NRXN1: variants seen among roughly 807,000 people sequenced by gnomAD.
NRXN1 encodes neurexin-1.
A neutral mutation model predicts 150.9 loss-of-function variants in NRXN1; 39 were observed. That is an observed-to-expected ratio of 0.26 (90% confidence interval 0.20 to 0.34). The LOEUF (loss-of-function observed/expected upper bound fraction) is 0.34. Ranked by LOEUF, NRXN1 falls within the 10% of genes least tolerant of loss-of-function variation. NRXN1 has a pLI of 1.00. For missense variants in NRXN1, 1,815 were observed against 1,949.9 expected (o/e 0.93, Z 1.30); for synonymous variants, 924 against 757.0 (o/e 1.22, Z -3.62).
chr2:50,464,499 AAT>A (rs1222272885), intron 17 of NRXN1: 1 of 151,972 alleles, frequency 6.6e-6, no homozygotes, highest in Non-Finnish European at 1.5e-5. Context: ...CAAAGGTCAA[AAT>A]GAACAAGCTC....
At position 50,892,065 on chromosome 2, in the gene NRXN1, A is replaced by G. The variant is rs566412467; in HGVS notation, c.832+29804T>C. 2.0e-5 allele frequency among the ~76,000 whole-genome samples: 3 copies of G among 152,226 alleles called. No homozygotes were observed. In the South Asian group the frequency reaches 6.2e-4, roughly 32 times the overall value. Reference sequence around the variant, plus strand: ...ATATGAACAACTATTATTTTAGGGAAAGAAAGGAAAGAGGATAGTTCTGAA... The same window carrying G: ...ATATGAACAACTATTATTTTAGGGAGAGAAAGGAAAGAGGATAGTTCTGAA... On this transcript the variant is annotated intron_variant, in intron 5 of 22. Coordinates refer to ENST00000401669, the MANE Select transcript of NRXN1 (RefSeq NM_001330078.2).
chr2:50,764,039 A>C (rs987059960), intron 5 of NRXN1, among the ~76,000 whole-genome samples: 2 of 150,876 alleles, frequency 1.3e-5, no homozygotes, highest in African/African-American at 4.9e-5. Context: ...TTTTTTGCTA[A>C]AGGAGGAACA....
chr2:50,670,223 G>A (rs1039516982), intron 5 of NRXN1, among the ~76,000 whole-genome samples: 1 of 151,458 alleles, frequency 6.6e-6, no homozygotes, highest in Non-Finnish European at 1.5e-5. Flanking sequence ...CATCATACAT[G>A]TTCCAAAAGT....
chr2:50,123,335 T>C (rs1262700531), intron 18 of NRXN1, among the ~76,000 whole-genome samples: 1 of 152,130 alleles, frequency 6.6e-6, no homozygotes, highest in Non-Finnish European at 1.5e-5. Flanking sequence ...ACCATGTTAA[T>C]GTCTGGGAAA....
intron 15 of NRXN1, among the ~76,000 whole-genome samples, chr2:50,491,861 G>A (rs1343158278): frequency 1.3e-5 from 2 of 152,102 alleles, no homozygotes; most frequent in Non-Finnish European, 2.9e-5. Context: ...CTCATTGAAG[G>A]TGGGGGCCAA....
At chr2:50,307,652 T>C (rs920186643) in intron 17 of NRXN1, among the ~76,000 whole-genome samples, 1 of 152,222 alleles carries the variant, frequency 6.6e-6, no homozygotes. Flanking sequence ...TCGAATACAC[T>C]GAAGCCTTGT....
At chr2:50,434,376 C>T (rs2085253631) in intron 17 of NRXN1, among the ~76,000 whole-genome samples, 1 of 152,060 alleles carries the variant, frequency 6.6e-6, no homozygotes, top group African/African-American at 2.4e-5. Flanking sequence ...GCCACCTCGC[C>T]CGGCCATCTT....
intron 18 of NRXN1, among the ~76,000 whole-genome samples, chr2:50,109,977 A>G (rs1380925459): frequency 6.6e-6 from 1 of 152,182 alleles, no homozygotes; most frequent in Non-Finnish European, 1.5e-5. Context: ...TTTTTATGCA[A>G]TTATACTCCC....
At chr2:50,589,901 T>C (rs1205664228) in intron 8 of NRXN1, among the ~76,000 whole-genome samples, 2 of 152,182 alleles carry the variant, frequency 1.3e-5, no homozygotes, top group African/African-American at 4.8e-5. Flanking sequence ...CATTAGACTG[T>C]AAGCACCACA....
intron 21 of NRXN1, chr2:50,023,083 C>G (rs932542452): frequency 3.3e-5 from 5 of 152,196 alleles, no homozygotes; most frequent in Admixed American, 3.3e-4. Flanking sequence ...TGATTTGCAG[C>G]AGGTGCTGAG....
intron 5 of NRXN1, among the ~76,000 whole-genome samples, chr2:50,734,421 G>A (rs931697267): frequency 6.6e-6 from 1 of 152,096 alleles, no homozygotes; most frequent in Non-Finnish European, 1.5e-5. Context: ...AAGATAAAAT[G>A]ACTAACATGA....
intron 17 of NRXN1, among the ~76,000 whole-genome samples, chr2:50,240,505 A>G (rs1473228306): frequency 6.6e-6 from 1 of 151,688 alleles, no homozygotes; most frequent in South Asian, 2.1e-4. Context: ...TGAGCTAGAA[A>G]ATTACTCTCA....
intron 17 of NRXN1, among the ~76,000 whole-genome samples, chr2:50,262,332 A>G (rs183626798): frequency 6.6e-6 from 1 of 151,992 alleles, no homozygotes; most frequent in Admixed American, 6.6e-5. Context: ...ATTTTCTAAA[A>G]TCATATACCC....
At chr2:50,698,182 A>G (rs1430284380) in intron 5 of NRXN1, among the ~76,000 whole-genome samples, 1 of 152,228 alleles carries the variant, frequency 6.6e-6, no homozygotes, top group Non-Finnish European at 1.5e-5. Flanking sequence ...GGCACTTAGT[A>G]GGTGCTCAGT....
At chr2:50,451,102 G>T (rs1452527557) in intron 17 of NRXN1, among the ~76,000 whole-genome samples, 2 of 152,052 alleles carry the variant, frequency 1.3e-5, no homozygotes, top group Non-Finnish European at 2.9e-5. Context: ...AGGTAGCTGG[G>T]ACTACAGGTG....
chr2:50,051,276 G>C (rs1692670037), intron 21 of NRXN1, among the ~76,000 whole-genome samples: 2 of 151,784 alleles, frequency 1.3e-5, no homozygotes, highest in Non-Finnish European at 2.9e-5. Context: ...GTTACTAATT[G>C]ACAAAATACA....
intron 18 of NRXN1, among the ~76,000 whole-genome samples, chr2:50,161,910 TG>T (rs1654376681): frequency 6.6e-6 from 1 of 152,096 alleles, no homozygotes; most frequent in African/African-American, 2.4e-5. Context: ...AATTTTCTTT[TG>T]CAAAACACTC....
intron 2 of NRXN1, among the ~76,000 whole-genome samples, chr2:51,017,974 T>C (rs982589296): frequency 3.9e-5 from 6 of 152,066 alleles, no homozygotes; most frequent in Admixed American, 3.3e-4. Flanking sequence ...CACCATTACT[T>C]AGAAGAAAAA....
chr2:50,965,239 T>C (rs562991245), intron 2 of NRXN1, among the ~76,000 whole-genome samples: 49 of 151,566 alleles, frequency 3.2e-4, no homozygotes, highest in African/African-American at 1.0e-3. Flanking sequence ...CAGCTATTTT[T>C]ATCTCAAGGA....
Sources: gnomAD v4.1 joint callset for allele counts (sites outside exome capture counted in the v4.1 genomes callset) on GRCh38, gnomAD v4.1.1 for gene constraint, MANE v1.5 for transcripts, NCBI Gene and HGNC (gene_info 2026-07-23, HGNC 2026-07-21) for gene names.